Variants in CDH18 observed in about 807,000 individuals in gnomAD.
The protein encoded by CDH18 is cadherin 18, also known as cadherin-18.
A neutral mutation model predicts 67.9 loss-of-function variants in CDH18; 31 were observed. That is an observed-to-expected ratio of 0.46 (90% CI 0.34 to 0.62). CDH18 has a LOEUF of 0.62. Among genes scored for constraint, CDH18 ranks in the 20% least tolerant of loss-of-function variants. CDH18 has a pLI of 0.01. For synonymous variants in CDH18, 362 were observed against 347.2 expected (o/e 1.04, Z -0.48); for missense variants, 890 against 975.5 (o/e 0.91, Z 1.17).
intron 8 of CDH18, among the ~76,000 whole-genome samples, chr5:19,545,176 A>G (rs1042955943): frequency 1.3e-5 from 2 of 152,196 alleles, no homozygotes; most frequent in Non-Finnish European, 2.9e-5. Context: ...AGCTTAAGTA[A>G]TATTTTATCT....
chr5:19,815,773 C>A (rs576502988), intron 3 of CDH18, among the ~76,000 whole-genome samples: 1 of 152,094 alleles, frequency 6.6e-6, no homozygotes, highest in South Asian at 2.1e-4. Context: ...TCCTTTCTAT[C>A]ACTTGAGGAA....
chr5:20,495,902 T>A (rs1753878350), intron 1 of CDH18, among the ~76,000 whole-genome samples: 1 of 152,098 alleles, frequency 6.6e-6, no homozygotes, highest in Non-Finnish European at 1.5e-5. Context: ...TCTGAAAAGT[T>A]CAGGAAGAAT....
At chr5:19,732,674 G>A (rs1767772635) in intron 4 of CDH18, among the ~76,000 whole-genome samples, 2 of 152,096 alleles carry the variant, frequency 1.3e-5, no homozygotes, top group Non-Finnish European at 2.9e-5. Context: ...TATCTCTCTT[G>A]TAAAGTTTAA....
intron 1 of CDH18, among the ~76,000 whole-genome samples, chr5:20,442,649 A>G (rs1749689674): frequency 6.6e-6 from 1 of 151,920 alleles, no homozygotes; most frequent in Non-Finnish European, 1.5e-5. Context: ...AAAACAAAAC[A>G]AAAACTAAAC....
intron 2 of CDH18, among the ~76,000 whole-genome samples, chr5:20,180,988 C>A (rs1449146967): frequency 6.6e-6 from 1 of 152,132 alleles, no homozygotes; most frequent in Non-Finnish European, 1.5e-5. Context: ...TCATGCTGTA[C>A]TTTTGCTTCT....
intron 1 of CDH18, among the ~76,000 whole-genome samples, chr5:20,412,774 A>C (rs1249478428): frequency 6.6e-6 from 1 of 152,246 alleles, no homozygotes; most frequent in African/African-American, 2.4e-5. Flanking sequence ...AATTAAAGCC[A>C]CAATGAGATA....
At chr5:19,842,771 C>T (rs561337487) in intron 2 of CDH18, among the ~76,000 whole-genome samples, 37 of 152,226 alleles carry the variant, frequency 2.4e-4, no homozygotes, top group Admixed American at 6.5e-4. Flanking sequence ...TTCCTAGACA[C>T]TTGTTGAACG....
intron 2 of CDH18, among the ~76,000 whole-genome samples, chr5:20,049,436 A>G (rs1209928666): frequency 1.6e-5 from 1 of 61,264 alleles, no homozygotes; most frequent in Non-Finnish European, 6.9e-5. Flanking sequence ...AAAATAATCT[A>G]TACAACAAAC....
intron 1 of CDH18, among the ~76,000 whole-genome samples, chr5:20,303,314 TC>T (rs903401189): frequency 1.3e-4 from 20 of 152,008 alleles, no homozygotes. Context: ...TTCCTGGCAA[TC>T]CCCCTATATC....
intron 2 of CDH18, among the ~76,000 whole-genome samples, chr5:20,066,414 T>C (rs1449783573): frequency 6.6e-6 from 1 of 152,090 alleles, no homozygotes; most frequent in Admixed American, 6.6e-5. Flanking sequence ...ATTACTTTAT[T>C]CAAGGTCGTA....
At chr5:19,604,926 G>T (rs1369254835) in intron 6 of CDH18, among the ~76,000 whole-genome samples, 1 of 151,696 alleles carries the variant, frequency 6.6e-6, no homozygotes, top group South Asian at 2.1e-4. Flanking sequence ...ACACATAAAT[G>T]CTTGAAGAAA....
At chr5:19,574,030 C>T (rs1263052502) in intron 7 of CDH18, among the ~76,000 whole-genome samples, 2 of 152,200 alleles carry the variant, frequency 1.3e-5, no homozygotes, top group Non-Finnish European at 2.9e-5. Flanking sequence ...GATTTTAAAA[C>T]AATCACCTCC....
chr5:19,730,531 T>C (rs976607372), intron 4 of CDH18, among the ~76,000 whole-genome samples: 1 of 152,192 alleles, frequency 6.6e-6, no homozygotes, highest in Non-Finnish European at 1.5e-5. Flanking sequence ...GGGACCCAAG[T>C]TTAAATACGA....
chr5:19,479,928 A>G (rs1273494436), intron 12 of CDH18, among the ~76,000 whole-genome samples: 2 of 152,212 alleles, frequency 1.3e-5, no homozygotes, highest in Non-Finnish European at 2.9e-5. Context: ...AAATGAGAAA[A>G]CATTTTCATA....
At chr5:20,279,801 T>C (rs1338727179) in intron 1 of CDH18, among the ~76,000 whole-genome samples, 4 of 151,140 alleles carry the variant, frequency 2.6e-5, no homozygotes, top group Non-Finnish European at 5.9e-5. Context: ...CTTTCAGGAT[T>C]GGACAGATCA....
intron 2 of CDH18, among the ~76,000 whole-genome samples, chr5:19,958,799 G>A (rs1020711318): frequency 1.1e-4 from 17 of 151,980 alleles, no homozygotes; most frequent in African/African-American, 3.4e-4. Flanking sequence ...GTGATGTTCC[G>A]TGTTGCATCG....
intron 1 of CDH18, among the ~76,000 whole-genome samples, chr5:20,270,325 T>G (rs1745343245): frequency 6.6e-6 from 1 of 152,108 alleles, no homozygotes; most frequent in South Asian, 2.1e-4. Context: ...GAAAGGAATA[T>G]TGATATTGTT....
intron 1 of CDH18, among the ~76,000 whole-genome samples, chr5:20,393,938 G>A (rs1317447430): frequency 6.6e-5 from 10 of 151,968 alleles, no homozygotes; most frequent in Non-Finnish European, 1.5e-5. Flanking sequence ...ATCTCAGTCA[G>A]GCTCATGGAC....
At chr5:19,541,347 C>T (rs1008749880) in intron 9 of CDH18, among the ~76,000 whole-genome samples, 5 of 151,508 alleles carry the variant, frequency 3.3e-5, no homozygotes, top group Admixed American at 3.3e-4. Context: ...CAAACTTTCC[C>T]ACATTTTTTT....
Sources: allele counts gnomAD v4.1 joint callset (sites outside exome capture counted in the v4.1 genomes callset), GRCh38; gene constraint gnomAD v4.1.1; transcripts MANE v1.5; gene names NCBI Gene and HGNC (gene_info 2026-07-23, HGNC 2026-07-21).